KAZN: variants seen among roughly 807,000 people sequenced by gnomAD.
The protein encoded by KAZN is kazrin.
A neutral mutation model predicts 87.4 loss-of-function variants in KAZN; 40 were observed. That is an observed-to-expected ratio of 0.46 (90% CI 0.36 to 0.60). The LOEUF (loss-of-function observed/expected upper bound fraction) is 0.60, where lower values mean the gene tolerates loss of function less well. KAZN is among the 20% of genes least tolerant of loss of function. The pLI is 0.00. For synonymous variants in KAZN, 466 were observed against 458.3 expected, an observed-to-expected ratio of 1.02 and a Z score of -0.22; for missense variants, 898 against 1,073.9, an observed-to-expected ratio of 0.84 and a Z score of 2.29.
chr1:14,324,452 C>G (rs1200417503), intron 2 of KAZN, among the ~76,000 whole-genome samples: 2 of 152,216 alleles, frequency 1.3e-5, no homozygotes, highest in Non-Finnish European at 2.9e-5. Flanking sequence ...CTCAGGGAAC[C>G]TTGCTCATGA....
intron 2 of KAZN, among the ~76,000 whole-genome samples, chr1:14,187,454 C>A (rs1176545431): frequency 6.6e-6 from 1 of 152,162 alleles, no homozygotes; most frequent in African/African-American, 2.4e-5. Flanking sequence ...CCCTACCTCA[C>A]ATATCTCATT....
intron 2 of KAZN, among the ~76,000 whole-genome samples, chr1:14,967,102 C>T (rs141795043): frequency 2.0e-3 from 298 of 152,256 alleles, no homozygotes; most frequent in Middle Eastern, 3.4e-3. Context: ...ACGGTGAACT[C>T]GAGGGTCACA....
intron 1 of KAZN, among the ~76,000 whole-genome samples, chr1:14,605,622 A>G (rs1163323435): frequency 6.6e-6 from 1 of 152,190 alleles, no homozygotes; most frequent in East Asian, 1.9e-4. Flanking sequence ...TATATTTGCT[A>G]TTCATTAAGT....
chr1:14,692,212 T>A (rs1369242539), intron 1 of KAZN: 1 of 498,142 alleles, frequency 2.0e-6, no homozygotes, highest in Non-Finnish European at 3.5e-6. Context: ...CTTTCTAACA[T>A]CTGTTGAAGA....
intron 1 of KAZN, among the ~76,000 whole-genome samples, chr1:14,053,323 AG>A (rs1276436264): frequency 6.6e-6 from 1 of 152,170 alleles, no homozygotes; most frequent in Non-Finnish European, 1.5e-5. Context: ...GAACCATCAG[AG>A]GAGACGACGA....
At chr1:14,560,577 CAAAAT>C (rs1239203839) in intron 2 of KAZN, among the ~76,000 whole-genome samples, 2 of 152,090 alleles carry the variant, frequency 1.3e-5, no homozygotes. Flanking sequence ...GACTCCATCT[CAAAAT>C]AATAATAATA....
chr1:14,515,187 T>A (rs1171540850), intron 2 of KAZN, among the ~76,000 whole-genome samples: 1 of 152,192 alleles, frequency 6.6e-6, no homozygotes, highest in African/African-American at 2.4e-5. Context: ...TTAATGACCT[T>A]GTGCTATCAA....
At chr1:14,264,057 A>G (rs958851246) in intron 2 of KAZN, among the ~76,000 whole-genome samples, 2 of 152,248 alleles carry the variant, frequency 1.3e-5, no homozygotes, top group Admixed American at 1.3e-4. Context: ...GGCTTAAAAC[A>G]GCACACACTT....
At chr1:14,186,646 G>C (rs940456493) in intron 2 of KAZN, among the ~76,000 whole-genome samples, 1 of 152,164 alleles carries the variant, frequency 6.6e-6, no homozygotes, top group African/African-American at 2.4e-5. Context: ...CCGTGGGCAG[G>C]TAGGCTTGTT....
At chr1:14,999,791 C>A (rs1668283402) in intron 2 of KAZN, among the ~76,000 whole-genome samples, 1 of 152,212 alleles carries the variant, frequency 6.6e-6, no homozygotes, top group African/African-American at 2.4e-5. Context: ...AGGGAGTGGG[C>A]ACTCTGCCCT....
At chr1:14,904,372 C>T (rs1656269476) in intron 1 of KAZN, among the ~76,000 whole-genome samples, 1 of 151,488 alleles carries the variant, frequency 6.6e-6, no homozygotes, top group South Asian at 2.1e-4. Context: ...TAGAGGAGAC[C>T]AACGCCTATA....
At chr1:13,935,953 A>G (rs1177141758) in intron 1 of KAZN, among the ~76,000 whole-genome samples, 4 of 151,192 alleles carry the variant, frequency 2.6e-5, no homozygotes, top group East Asian at 3.9e-4. Flanking sequence ...ACTAGAATAT[A>G]TATACTAGAA....
intron 2 of KAZN, among the ~76,000 whole-genome samples, chr1:14,421,938 A>G (rs1265326655): frequency 6.6e-6 from 1 of 152,204 alleles, no homozygotes; most frequent in African/African-American, 2.4e-5. Context: ...AATGCAACAA[A>G]GTAACAAATA....
At chr1:14,396,941 T>C (rs1662949565) in intron 2 of KAZN, among the ~76,000 whole-genome samples, 1 of 151,292 alleles carries the variant, frequency 6.6e-6, no homozygotes, top group Admixed American at 6.6e-5. Flanking sequence ...AACTGAAAAA[T>C]AAAGTGAGAT....
intron 1 of KAZN, among the ~76,000 whole-genome samples, chr1:14,065,840 T>A (rs148873404): frequency 3.3e-5 from 5 of 152,156 alleles, no homozygotes; most frequent in African/African-American, 9.7e-5. Context: ...ATATATAGGG[T>A]ACAAGTGGTT....
chr1:14,393,607 G>A (rs1662638300), intron 2 of KAZN, among the ~76,000 whole-genome samples: 2 of 152,082 alleles, frequency 1.3e-5, no homozygotes, highest in East Asian at 3.9e-4. Flanking sequence ...TTTGCAGGGT[G>A]ACAAGTGGCA....
chr1:14,087,695 A>G (rs1027674979), intron 1 of KAZN, among the ~76,000 whole-genome samples: 2 of 152,022 alleles, frequency 1.3e-5, no homozygotes, highest in African/African-American at 4.8e-5. Flanking sequence ...TTATTTTTAC[A>G]TCTATTAAGA....
chr1:14,536,645 GCTGAGGTGGGTGGACAAC>G (rs1672520016), intron 2 of KAZN, among the ~76,000 whole-genome samples: 1 of 152,186 alleles, frequency 6.6e-6, no homozygotes, highest in East Asian at 1.9e-4. Flanking sequence ...ACTTTGGGAG[GCTGAGGTGGGTGGACAAC>G]CTGAGGTCAG....
chr1:14,812,318 G>GT (rs1646437421), intron 1 of KAZN, among the ~76,000 whole-genome samples: 1 of 152,140 alleles, frequency 6.6e-6, no homozygotes, highest in African/African-American at 2.4e-5. Context: ...TCACTCCTTA[G>GT]CTGGTCTCCT....
Sources: allele counts gnomAD v4.1 joint callset (sites outside exome capture counted in the v4.1 genomes callset), GRCh38; gene constraint gnomAD v4.1.1; transcripts MANE v1.5; gene names NCBI Gene and HGNC (gene_info 2026-07-23, HGNC 2026-07-21).